Variants in CNTN5 observed in about 807,000 individuals in gnomAD.
CNTN5 encodes contactin 5, also known as contactin-5.
In CNTN5, 77 loss-of-function variants were observed where a neutral mutation model predicts 129.1. The ratio of observed to expected loss-of-function variants is 0.60; its 90% CI spans 0.50 to 0.72. The LOEUF is 0.72. Ranked by LOEUF, CNTN5 falls within the 30% of genes least tolerant of loss-of-function variation. The pLI, the probability that CNTN5 is intolerant of heterozygous loss-of-function variation, is 0.00. For synonymous variants in CNTN5, 509 were observed against 465.6 expected, an observed-to-expected ratio of 1.09 and a Z score of -1.20; for missense variants, 1,478 against 1,328.8, an observed-to-expected ratio of 1.11 and a Z score of -1.75.
At chr11:100,060,647 T>C (rs1943429911) in intron 9 of CNTN5, among the ~76,000 whole-genome samples, 1 of 151,286 alleles carries the variant, frequency 6.6e-6, no homozygotes. Context: ...TTTCTTTTTT[T>C]TTTTTTTTTA....
chr11:100,149,667 C>T (rs772355581), intron 13 of CNTN5, among the ~76,000 whole-genome samples: 4 of 152,012 alleles, frequency 2.6e-5, no homozygotes, highest in East Asian at 3.9e-4. Flanking sequence ...CCAAGGCAGG[C>T]GGATCACGAG....
intron 3 of CNTN5, among the ~76,000 whole-genome samples, chr11:99,621,672 ACAT>A (rs1446423697): frequency 1.3e-5 from 2 of 152,342 alleles, no homozygotes; most frequent in South Asian, 2.1e-4. Context: ...TAATAGAACA[ACAT>A]ATGAATTTGT....
chr11:99,429,533 G>A (rs140351731), intron 2 of CNTN5, among the ~76,000 whole-genome samples: 1 of 152,116 alleles, frequency 6.6e-6, no homozygotes, highest in Non-Finnish European at 1.5e-5. Context: ...GAGAGAGAGA[G>A]TCTGAGTGTG....
chr11:99,773,839 G>C (rs1270662540), intron 3 of CNTN5, among the ~76,000 whole-genome samples: 1 of 152,030 alleles, frequency 6.6e-6, no homozygotes, highest in South Asian at 2.1e-4. Context: ...TTCGTGAGAT[G>C]ATCCCTGTCT....
chr11:99,844,867 G>T lies in CNTN5; in HGVS notation c.293G>T (p.Gly98Val). 6.2e-7 allele frequency: 1 copy of T among 1,613,242 alleles called. No individual in the cohort carries two copies. Among genetic ancestry groups the T allele is most frequent in the Non-Finnish European group, 8.5e-7 (1 of 1,179,538 alleles). ...AFKQDESVDY[G>V]PVFVQEPDDI... ...GTCTTTACAGAAAGTGTGGACTATG[G>T]GCCAGTTTTTGTGCAAGAACCAGAT... Residue 98 changes from glycine to valine, a missense_variant, in exon 5 of 25, where the codon GGG becomes GTG. Coordinates refer to ENST00000524871, the MANE Select transcript of CNTN5 (RefSeq NM_014361.4).
chr11:99,793,310 C>T (rs1945819756), intron 3 of CNTN5, among the ~76,000 whole-genome samples: 5 of 152,180 alleles, frequency 3.3e-5, no homozygotes, highest in South Asian at 2.1e-4. Context: ...CCACCTGCCT[C>T]GGCCTCCCAA....
chr11:99,621,114 G>C (rs2135763214), intron 3 of CNTN5, among the ~76,000 whole-genome samples: 1 of 152,174 alleles, frequency 6.6e-6, no homozygotes, highest in African/African-American at 2.4e-5. Context: ...TTATTGTAAG[G>C]GCCCTGATAG....
At chr11:99,179,859 T>C (rs908298377) in intron 1 of CNTN5, among the ~76,000 whole-genome samples, 2 of 152,206 alleles carry the variant, frequency 1.3e-5, no homozygotes, top group African/African-American at 4.8e-5. Flanking sequence ...TGGGTGTAAG[T>C]GACTTTAGAT....
chr11:99,033,122 T>A (rs1422287054), intron 1 of CNTN5, among the ~76,000 whole-genome samples: 1 of 150,612 alleles, frequency 6.6e-6, no homozygotes, highest in Non-Finnish European at 1.5e-5. Context: ...GTTCCATTGA[T>A]CTATATCTCT....
chr11:100,218,082 T>C (rs989448804), intron 15 of CNTN5, among the ~76,000 whole-genome samples: 1 of 152,146 alleles, frequency 6.6e-6, no homozygotes, highest in Non-Finnish European at 1.5e-5. Context: ...AGTGAACAGG[T>C]TGAATCTAAT....
chr11:100,078,294 AAT>A (rs1944225151), intron 13 of CNTN5, among the ~76,000 whole-genome samples: 1 of 152,328 alleles, frequency 6.6e-6, no homozygotes, highest in East Asian at 1.9e-4. Flanking sequence ...ACTAGAAAAT[AAT>A]ATGACTTTTA....
At chr11:99,883,433 A>T (rs1377626710) in intron 6 of CNTN5, among the ~76,000 whole-genome samples, 1 of 152,160 alleles carries the variant, frequency 6.6e-6, no homozygotes, top group Admixed American at 6.6e-5. Flanking sequence ...ATGATATCTC[A>T]TTGTAGTTTT....
At chr11:99,264,427 T>C (rs1862789806) in intron 1 of CNTN5, among the ~76,000 whole-genome samples, 1 of 152,040 alleles carries the variant, frequency 6.6e-6, no homozygotes, top group Admixed American at 6.6e-5. Context: ...ATGGGAGGCA[T>C]TGAGTTAAAG....
At position 100,251,423 on chromosome 11, in the gene CNTN5, G is replaced by A. The variant is rs1949960920; in HGVS notation, c.2006-4337G>A. Reference sequence around the variant, plus strand: ...TCTTAAACATTTATCTTTTCTTTGTGTTGGGAACATTCAATATCCTCATTC... The same window carrying A: ...TCTTAAACATTTATCTTTTCTTTGTATTGGGAACATTCAATATCCTCATTC... On this transcript the variant is annotated intron_variant, in intron 16 of 24. Coordinates refer to ENST00000524871, the MANE Select transcript of CNTN5 (RefSeq NM_014361.4). 2.0e-5 allele frequency among the ~76,000 whole-genome samples: 3 copies of A among 152,006 alleles called. No individual in the cohort carries two copies. In the South Asian group the frequency reaches 6.2e-4, roughly 32 times the overall value.
At chr11:99,043,973 G>A (rs1259373091) in intron 1 of CNTN5, among the ~76,000 whole-genome samples, 3 of 152,126 alleles carry the variant, frequency 2.0e-5, no homozygotes, top group African/African-American at 7.2e-5. Context: ...TAGTCCACTG[G>A]TTATTCAGTC....
chr11:99,383,358 AG>A (rs1940720681), intron 2 of CNTN5, among the ~76,000 whole-genome samples: 1 of 152,222 alleles, frequency 6.6e-6, no homozygotes, highest in Non-Finnish European at 1.5e-5. Context: ...CAGAAGAAAA[AG>A]GAAAGAAATA....
chr11:99,338,959 A>ATATATATATATATATCTGTGATATATG (rs1866380954), intron 2 of CNTN5, among the ~76,000 whole-genome samples: 1 of 118,132 alleles, frequency 8.5e-6, no homozygotes, highest in African/African-American at 2.7e-5. Context: ...TGTGATATAT[A>ATATATATATATATATCTGTGATATATG]TGTGTGTGTT....
chr11:100,186,096 A>T (rs987808222), intron 13 of CNTN5, among the ~76,000 whole-genome samples: 1 of 152,200 alleles, frequency 6.6e-6, no homozygotes, highest in African/African-American at 2.4e-5. Flanking sequence ...AGGGTGGCTC[A>T]TGCCTGTAAT....
At chr11:100,272,078 G>T (rs1370619629) in intron 18 of CNTN5, among the ~76,000 whole-genome samples, 1 of 152,140 alleles carries the variant, frequency 6.6e-6, no homozygotes, top group East Asian at 1.9e-4. Context: ...ATAGAAAGAG[G>T]AGGATCAGGG....
Sources: allele counts gnomAD v4.1 joint callset (sites outside exome capture counted in the v4.1 genomes callset), GRCh38; gene constraint gnomAD v4.1.1; transcripts MANE v1.5; gene names NCBI Gene and HGNC (gene_info 2026-07-23, HGNC 2026-07-21).